CPLX2: variants seen among roughly 807,000 people sequenced by gnomAD.
CPLX2 encodes complexin 2.
Under a neutral mutation model 16.3 loss-of-function variants are expected in CPLX2, and 5 were observed. That is an observed-to-expected ratio of 0.31 (90% CI 0.16 to 0.64). The LOEUF is 0.64. CPLX2 is among the 30% of genes least tolerant of loss of function. The probability of loss-of-function intolerance (pLI) is 0.79; values close to 1 mark genes in which losing one functional copy is unlikely to be tolerated. For synonymous variants in CPLX2, 89 were observed against 73.2 expected, an observed-to-expected ratio of 1.22 and a Z score of -1.10; for missense variants, 144 against 181.4, an observed-to-expected ratio of 0.79 and a Z score of 1.18.
At chr5:175,799,448 G>C (rs1322898144) in intron 1 of CPLX2, among the ~76,000 whole-genome samples, 1 of 150,960 alleles carries the variant, frequency 6.6e-6, no homozygotes, top group Non-Finnish European at 1.5e-5. Flanking sequence ...AGGTGGAAAA[G>C]GAAGGGGGGC....
intron 2 of CPLX2, among the ~76,000 whole-genome samples, chr5:175,860,476 AAG>A (rs2113688288): frequency 6.9e-6 from 1 of 145,904 alleles, no homozygotes; most frequent in East Asian, 2.0e-4. Flanking sequence ...GAGAGAGAGA[AAG>A]AAGAAAGAAA....
At chr5:175,836,122 G>A (rs113127428) in intron 2 of CPLX2, among the ~76,000 whole-genome samples, 3,033 of 152,202 alleles carry the variant, frequency 0.02, 107 homozygotes, top group African/African-American at 0.069. Flanking sequence ...AGGCCAAGGC[G>A]GGCAGATCAC....
At chr5:175,871,423 GAGAGAGAGAC>G (rs1561790275), upstream of CPLX2, 5 of 117,308 alleles carry the variant, frequency 4.3e-5, no homozygotes, top group Admixed American at 8.2e-5. Context: ...GAGAGAGAGA[GAGAGAGAGAC>G]AGAGAGAGAG....
intron 1 of CPLX2, chr5:175,878,409 G>C: frequency 2.2e-6 from 1 of 454,314 alleles, no homozygotes; most frequent in Non-Finnish European, 3.9e-6. Flanking sequence ...GAACAATAGG[G>C]TCAAGATGAA....
intron 2 of CPLX2, among the ~76,000 whole-genome samples, chr5:175,821,458 A>C (rs1758506840): frequency 6.6e-6 from 1 of 151,796 alleles, no homozygotes; most frequent in South Asian, 2.1e-4. Context: ...CCCAGGCTGG[A>C]GTGCAATGGC....
intron 2 of CPLX2, among the ~76,000 whole-genome samples, chr5:175,824,358 G>A (rs1442351674): frequency 6.6e-6 from 1 of 152,204 alleles, no homozygotes; most frequent in Admixed American, 6.5e-5. Context: ...AAGCAATATT[G>A]TTAGGCAGGC....
intron 2 of CPLX2, among the ~76,000 whole-genome samples, chr5:175,813,113 G>A (rs937788565): frequency 9.2e-5 from 14 of 152,186 alleles, no homozygotes; most frequent in African/African-American, 3.1e-4. Flanking sequence ...ACGTGTGATT[G>A]ATTGATGCTG....
upstream of CPLX2, chr5:175,871,449 G>C (rs990834129): frequency 3.3e-5 from 4 of 122,360 alleles, no homozygotes; most frequent in African/African-American, 1.2e-4. Flanking sequence ...GAGAGAGAGA[G>C]AGAGAGAGAG....
In CPLX2 at chr5:175,880,114, A is replaced by G; in HGVS notation, c.*69A>G. On this transcript the variant is annotated 3_prime_UTR_variant, in exon 4 of 4. Transcript: ENST00000393745. The stretch of plus-strand genomic sequence containing the variant: ...TTTGGTTCTTTCTTTTCTTTTTATT[A>G]GGTTAAGTCTCAATTCTGAAGGGGA... 6.6e-7 allele frequency: 1 copy of G among 1,511,586 alleles called. No homozygotes were observed. Among genetic ancestry groups the G allele is most frequent in the Non-Finnish European group, 9.0e-7 (1 of 1,109,254 alleles). The allele number at this position is 1,511,586 out of a possible 1,614,324, so 93.6% of individuals were successfully genotyped here.
Position 175,830,643 on chromosome 5 carries a change from C to T in CPLX2, c.-89+21575C>T, listed in dbSNP as rs1758718391. On this transcript the variant is annotated intron_variant, in intron 2 of 4. Coordinates refer to the CPLX2 transcript ENST00000359546. This position sits in a 1 kb window ranked among gnomAD's most constrained non-coding sequence, Gnocchi z 4.0. ...GCTCTGCAGGCAGGCAAGGGATGAGCACAATCCAGTCTCTGGAGTCCTCAC... is the reference window on the plus strand; with the variant it reads ...GCTCTGCAGGCAGGCAAGGGATGAGTACAATCCAGTCTCTGGAGTCCTCAC... Among the ~76,000 whole-genome samples the T allele has an allele frequency of 6.6e-6, 1 of 152,228 alleles. No homozygotes were observed. The highest frequency in any genetic ancestry group is 1.5e-5 in the Non-Finnish European group (1 of 68,038).
intron 2 of CPLX2, among the ~76,000 whole-genome samples, chr5:175,858,204 G>A (rs1402696407): frequency 1.3e-5 from 2 of 152,196 alleles, no homozygotes; most frequent in Non-Finnish European, 2.9e-5. Flanking sequence ...GAACTCCTTC[G>A]GTGAGACCCT....
At position 175,872,194 on chromosome 5, in the gene CPLX2, C is replaced by T. The variant is rs1759642499; in HGVS notation, c.-89+489C>T. ...CGCCCCCAGGGGTACAGTGCGCACT[C>T]CCGGAGTGAGTCAGAGGGCGGCGGC... On this transcript the variant is annotated intron_variant, in intron 1 of 3. Transcript: ENST00000393745. The surrounding 1 kb of genome is among the most constrained non-coding windows in gnomAD (Gnocchi z 5.0). 2 of 152,400 alleles carry T rather than the reference C, an allele frequency of 1.3e-5. No individual in the cohort carries two copies. The allele number at this position is 152,400 out of a possible 1,614,324, so 9.4% of individuals were successfully genotyped here. A position where few individuals can be genotyped will look rare whatever the true frequency, so the allele number is the denominator to read the frequency against.
intron 2 of CPLX2, among the ~76,000 whole-genome samples, chr5:175,827,022 C>T (rs1215300054): frequency 6.6e-6 from 1 of 152,206 alleles, no homozygotes; most frequent in Admixed American, 6.5e-5. Context: ...TCCAGGCCAG[C>T]TCTCGTCACA....
chr5:175,871,392 G>A (rs1759590037), upstream of CPLX2: 1 of 132,208 alleles, frequency 7.6e-6, no homozygotes, highest in African/African-American at 2.9e-5. Context: ...GGGGGAGGGA[G>A]GGAGAGAAAG....
At chr5:175,862,055 C>A (rs1414683071) in intron 2 of CPLX2, among the ~76,000 whole-genome samples, 1 of 152,192 alleles carries the variant, frequency 6.6e-6, no homozygotes, top group African/African-American at 2.4e-5. Flanking sequence ...AGCCCAGCAC[C>A]TGCTGAAAGC....
chr5:175,858,895 G>A (rs890737), intron 2 of CPLX2, among the ~76,000 whole-genome samples: 85,332 of 152,146 alleles, frequency 0.56, 24,888 homozygotes, highest in East Asian at 0.79. Context: ...CAGTGGAAGG[G>A]AAAGGGCAGA....
At chr5:175,874,870 T>C (rs904194652) in intron 1 of CPLX2, among the ~76,000 whole-genome samples, 2 of 149,370 alleles carry the variant, frequency 1.3e-5, no homozygotes, top group African/African-American at 2.5e-5. Flanking sequence ...AGGAAAGGAG[T>C]CAGCAAAGAA....
intron 2 of CPLX2, among the ~76,000 whole-genome samples, chr5:175,854,106 T>A (rs1759207002): frequency 6.6e-6 from 1 of 152,108 alleles, no homozygotes; most frequent in Admixed American, 6.5e-5. Flanking sequence ...GTTCTCCAGC[T>A]TCATGCCCGG....
chr5:175,836,210 C>T (rs529944264), intron 2 of CPLX2, among the ~76,000 whole-genome samples: 11 of 152,086 alleles, frequency 7.2e-5, no homozygotes, highest in South Asian at 4.2e-4. Context: ...ATTAGCTGGG[C>T]GTGGTGGCGG....
Sources: gnomAD v4.1 joint callset for allele counts (sites outside exome capture counted in the v4.1 genomes callset) on GRCh38, gnomAD v4.1.1 for gene constraint, Gnocchi (gnomAD v3.1) non-coding constraint, MANE v1.5 for transcripts, NCBI Gene and HGNC (gene_info 2026-07-23, HGNC 2026-07-21) for gene names.